Variants in TMCO6 observed in about 807,000 individuals in gnomAD.
The protein encoded by TMCO6 is transmembrane and coiled-coil domain-containing protein 6.
A neutral mutation model predicts 61.8 loss-of-function variants in TMCO6; 47 were observed. The ratio of observed to expected loss-of-function variants is 0.76; its 90% CI spans 0.60 to 0.97. The LOEUF (loss-of-function observed/expected upper bound fraction) is 0.97. TMCO6 is among the 50% of genes least tolerant of loss of function. The pLI is 0.00. For synonymous variants in TMCO6, 261 were observed against 254.2 expected (o/e 1.03, Z -0.25); for missense variants, 557 against 601.6 (o/e 0.93, Z 0.78).
At chr5:140,622,170 C>T in the TMCO6 span, among the ~76,000 whole-genome samples, 36 of 152,284 alleles carry the variant, frequency 2.4e-4, no homozygotes, top group African/African-American at 8.2e-4. Flanking sequence ...CATCACGGAA[C>T]CTACCGACAT....
chr5:140,615,231 T>A, the TMCO6 span, among the ~76,000 whole-genome samples: 2 of 152,122 alleles, frequency 1.3e-5, no homozygotes, highest in Non-Finnish European at 2.9e-5. Flanking sequence ...TACTTAGGAA[T>A]AAACTTCACC....
upstream of TMCO6, among the ~76,000 whole-genome samples, chr5:140,638,033 C>T (rs749325404): frequency 6.7e-6 from 1 of 149,402 alleles, no homozygotes; most frequent in African/African-American, 2.5e-5. Context: ...TTAGGAATAA[C>T]GCTCAAAATC....
At chr5:140,614,327 G>A in the TMCO6 span, among the ~76,000 whole-genome samples, 1 of 152,074 alleles carries the variant, frequency 6.6e-6, no homozygotes, top group African/African-American at 2.4e-5. Flanking sequence ...TGACCAACAT[G>A]GAGAAACCCC....
At chr5:140,624,149 G>A in the TMCO6 span, among the ~76,000 whole-genome samples, 1 of 151,950 alleles carries the variant, frequency 6.6e-6, no homozygotes, top group Non-Finnish European at 1.5e-5. Context: ...GGCAGATCAC[G>A]AGGTCAGGAG....
Position 140,641,900 on chromosome 5 carries a change from G to C in TMCO6, c.345G>C (p.Gly115=). The change falls in exon 4 of 12, where the codon GGG becomes GGC. Residue 115 remains glycine (G), a synonymous_variant. Coordinates refer to ENST00000394671, the MANE Select transcript of TMCO6 (RefSeq NM_018502.5). ...AGGGCAGCATGCGGACCCTGGTCGG[G>C]CTCCTGACCAGCAACCAGGCCCTGC... ...RLEGSMRTLV[G]LLTSNQALLQ... is the part of the protein sequence containing the mutation. 6.2e-7 allele frequency: 1 copy of C among 1,613,104 alleles called. No individual in the cohort carries two copies. The highest frequency in any genetic ancestry group is 8.5e-7 in the Non-Finnish European group (1 of 1,179,158).
chr5:140,600,364 C>CTATTTTATACTG, the TMCO6 span, among the ~76,000 whole-genome samples: 2 of 152,174 alleles, frequency 1.3e-5, no homozygotes, highest in South Asian at 4.2e-4. Flanking sequence ...ACTTCAGCTT[C>CTATTTTATACTG]TATTTTATAC....
the TMCO6 span, among the ~76,000 whole-genome samples, chr5:140,611,393 C>T: frequency 6.6e-6 from 1 of 152,170 alleles, no homozygotes; most frequent in African/African-American, 2.4e-5. Context: ...TTTACTGGGG[C>T]CTATTGTATG....
chr5:140,599,178 A>C, the TMCO6 span, among the ~76,000 whole-genome samples: 1 of 152,306 alleles, frequency 6.6e-6, no homozygotes, highest in African/African-American at 2.4e-5. Flanking sequence ...AGATCTCTAC[A>C]TTGCCACAGT....
intron 2 of TMCO6, 97 bp downstream of exon 2, chr5:140,639,948 T>G (rs1042762986): frequency 2.0e-6 from 2 of 1,008,196 alleles, no homozygotes; most frequent in African/African-American, 3.2e-5. Flanking sequence ...CGCAATCCAC[T>G]CTACACTTCC....
In TMCO6 at chr5:140,643,600, T is replaced by C; in HGVS notation, c.843T>C (p.Ala281=). 6.2e-7 allele frequency: 1 copy of C among 1,614,170 alleles called. No individual in the cohort carries two copies. Among genetic ancestry groups the C allele is most frequent in the South Asian group, 1.1e-5 (1 of 91,084 alleles). ...VSNPLLIGHG[A]LSTLGLLLLD... is the part of the protein sequence containing the mutation. ...ATCCTCTGCTCATTGGCCATGGGGC[T>C]CTGTCTACTCTGGGGTTGCTGCTGT... is the stretch of plus-strand genomic sequence containing the variant. The change falls in exon 8 of 12, where the codon GCT becomes GCC. Residue 281 remains alanine (A), a synonymous_variant. Coordinates refer to ENST00000394671, the MANE Select transcript of TMCO6 (RefSeq NM_018502.5).
Position 140,639,706 on chromosome 5 carries a change from C to T in TMCO6, c.86-33C>T, listed in dbSNP as rs1389138900. 1.3e-5 allele frequency: 20 copies of T among 1,562,038 alleles called. No homozygotes were observed. The South Asian group carries it at 1.9e-4, about 15-fold the overall frequency. ...CCGCGGGTTCTGGGTTGTGGTCGTC[C>T]TTCCCACGCTCAGCCGGCTCCTCTG... On this transcript the variant is annotated intron_variant, in intron 1 of 11. Transcript: ENST00000394671.
chr5:140,633,789 C>CTTTTTTT, the TMCO6 span: 1 of 124,406 alleles, frequency 8.0e-6, no homozygotes. Context: ...AACTTTCTTT[C>CTTTTTTT]TTTTTTTTTT....
chr5:140,644,051 CAG>C, intron 9 of TMCO6, 47 bp from the exon 10 acceptor site: 1 of 1,613,116 alleles, frequency 6.2e-7, no homozygotes, highest in South Asian at 1.1e-5. Flanking sequence ...GTAGTATTGA[CAG>C]GGGTGGTGGG....
chr5:140,603,769 A>G, the TMCO6 span, among the ~76,000 whole-genome samples: 1 of 152,102 alleles, frequency 6.6e-6, no homozygotes, highest in African/African-American at 2.4e-5. Context: ...TATTTTCACC[A>G]TTCGGTTATT....
the TMCO6 span, among the ~76,000 whole-genome samples, chr5:140,597,267 A>G: frequency 7.9e-5 from 12 of 152,196 alleles, no homozygotes; most frequent in Non-Finnish European, 1.3e-4. Flanking sequence ...ACATTTGGCT[A>G]TCAGTTTCAG....
At chr5:140,607,875 C>T in the TMCO6 span, among the ~76,000 whole-genome samples, 3 of 151,602 alleles carry the variant, frequency 2.0e-5, no homozygotes, top group African/African-American at 7.3e-5. Flanking sequence ...CTGCAACCTC[C>T]GCTTCCCAGG....
chr5:140,635,429 G>A (rs988380365), upstream of TMCO6, among the ~76,000 whole-genome samples: 1 of 152,206 alleles, frequency 6.6e-6, no homozygotes, highest in African/African-American at 2.4e-5. Flanking sequence ...TGGTCTTGAT[G>A]ACTAGTCTTC....
the TMCO6 span, among the ~76,000 whole-genome samples, chr5:140,622,724 CAA>C: frequency 1.6e-4 from 17 of 105,814 alleles, no homozygotes; most frequent in Middle Eastern, 4.9e-3. Context: ...GCTTTAGCTA[CAA>C]AAAAAAAAAA....
At chr5:140,631,795 C>T in the TMCO6 span, 2 of 1,460,668 alleles carry the variant, frequency 1.4e-6, no homozygotes, top group Admixed American at 2.3e-5. Context: ...TCCTCAACGT[C>T]CTGACGGGAC....
Sources: allele counts gnomAD v4.1 joint callset (sites outside exome capture counted in the v4.1 genomes callset), GRCh38; gene constraint gnomAD v4.1.1; transcripts MANE v1.5; gene names NCBI Gene and HGNC (gene_info 2026-07-23, HGNC 2026-07-21).